Variants in ANKRD44 observed in about 807,000 individuals in gnomAD.
The protein encoded by ANKRD44 is ankyrin repeat domain 44, also known as serine/threonine-protein phosphatase 6 regulatory ankyrin repeat subunit B.
ANKRD44 carries 35 observed loss-of-function variants against 116.0 expected under a neutral mutation model. That is an observed-to-expected ratio of 0.30 (90% CI 0.23 to 0.40). ANKRD44 has a LOEUF of 0.40. Among genes scored for constraint, ANKRD44 ranks in the 10% least tolerant of loss-of-function variants. ANKRD44 has a pLI of 1.00. For missense variants in ANKRD44, 1,014 were observed against 1,242.6 expected (o/e 0.82, Z 2.77); for synonymous variants, 435 against 461.8 (o/e 0.94, Z 0.74).
intron 2 of ANKRD44, among the ~76,000 whole-genome samples, chr2:197,185,168 C>T (rs1438811303): frequency 2.0e-5 from 3 of 152,234 alleles, no homozygotes; most frequent in Non-Finnish European, 2.9e-5. Context: ...CTCAGAAGCA[C>T]AGGTCGCAAC....
At chr2:197,122,106 T>G (rs2078871154) in intron 7 of ANKRD44, among the ~76,000 whole-genome samples, 1 of 152,126 alleles carries the variant, frequency 6.6e-6, no homozygotes, top group Admixed American at 6.5e-5. Flanking sequence ...GGCTCCCTAT[T>G]GCTTTCTGAG....
At chr2:197,222,769 C>T (rs1404283179) in intron 1 of ANKRD44, among the ~76,000 whole-genome samples, 1 of 152,034 alleles carries the variant, frequency 6.6e-6, no homozygotes, top group Non-Finnish European at 1.5e-5. Context: ...AAAACTACAA[C>T]AGAGTTTCAA....
intron 16 of ANKRD44, among the ~76,000 whole-genome samples, chr2:197,041,526 A>G (rs1417488592): frequency 6.6e-6 from 1 of 152,206 alleles, no homozygotes; most frequent in East Asian, 1.9e-4. Context: ...ACTGGAACCA[A>G]CAGGAGTTGC....
chr2:197,293,795 C>T (rs2083638697), intron 1 of ANKRD44, among the ~76,000 whole-genome samples: 2 of 152,144 alleles, frequency 1.3e-5, no homozygotes, highest in Non-Finnish European at 2.9e-5. Context: ...TCTAGACCAG[C>T]TTAGAAGTGG....
chr2:197,241,127 G>A (rs16863590), intron 1 of ANKRD44, among the ~76,000 whole-genome samples: 15,930 of 151,864 alleles, frequency 0.1, 901 homozygotes, highest in Non-Finnish European at 0.13. Flanking sequence ...CCAAGAGATC[G>A]GCCCTGAAAA....
At chr2:197,057,479 A>AT (rs1559027243) in intron 16 of ANKRD44, among the ~76,000 whole-genome samples, 1 of 151,914 alleles carries the variant, frequency 6.6e-6, no homozygotes, top group Non-Finnish European at 1.5e-5. Context: ...CTGTTTTTGA[A>AT]TTTTTTTTTA....
At chr2:197,151,250 C>T (rs2079642028) in intron 2 of ANKRD44, among the ~76,000 whole-genome samples, 1 of 152,092 alleles carries the variant, frequency 6.6e-6, no homozygotes, top group South Asian at 2.1e-4. Flanking sequence ...GATTAAATCT[C>T]CATTGAAAAT....
intron 1 of ANKRD44, among the ~76,000 whole-genome samples, chr2:197,188,257 G>A (rs2080735021): frequency 1.3e-5 from 2 of 152,172 alleles, no homozygotes; most frequent in African/African-American, 4.8e-5. Flanking sequence ...CAAAAGAACA[G>A]CTAGCTCCAC....
At chr2:197,104,904 A>C (rs573217671) in intron 9 of ANKRD44, among the ~76,000 whole-genome samples, 1 of 152,192 alleles carries the variant, frequency 6.6e-6, no homozygotes, top group African/African-American at 2.4e-5. Flanking sequence ...TACTCTCAAG[A>C]CTTCTGTGTG....
rs376551804 is a variant in ANKRD44, at chr2:197,190,333, C to T, written c.28-3227G>A. On this transcript the variant is annotated intron_variant, in intron 1 of 27. Coordinates refer to ENST00000282272, the MANE Select transcript of ANKRD44 (RefSeq NM_001195144.2). Reference sequence around the variant, plus strand: ...ATGGACATCTCTAGCTCAACTGTGCCATGTGGCTACTGAGACATCGCCTTC... The same window carrying T: ...ATGGACATCTCTAGCTCAACTGTGCTATGTGGCTACTGAGACATCGCCTTC... 1.1e-4 allele frequency among the ~76,000 whole-genome samples: 16 copies of T among 152,302 alleles called. No individual in the cohort carries two copies. The South Asian group carries it at 3.3e-3, about 32-fold the overall frequency.
intron 8 of ANKRD44, among the ~76,000 whole-genome samples, chr2:197,120,873 CTGGAGCCT>C (rs1352780797): frequency 6.6e-6 from 1 of 151,944 alleles, no homozygotes; most frequent in Non-Finnish European, 1.5e-5. Context: ...GAACACACGG[CTGGAGCCT>C]TGGTACCTTT....
At chr2:196,999,593 T>TATTC (rs1221205431) in intron 23 of ANKRD44, among the ~76,000 whole-genome samples, 1 of 150,640 alleles carries the variant, frequency 6.6e-6, no homozygotes, top group African/African-American at 2.4e-5. Context: ...TTTATTTATT[T>TATTC]ATTTATTTAT....
chr2:197,083,758 T>C (rs1394855764), intron 13 of ANKRD44, among the ~76,000 whole-genome samples: 1 of 152,232 alleles, frequency 6.6e-6, no homozygotes. Flanking sequence ...AATGTTCCAA[T>C]GTGCATTTCC....
At chr2:197,248,250 G>A (rs954156314) in intron 1 of ANKRD44, among the ~76,000 whole-genome samples, 6 of 151,870 alleles carry the variant, frequency 4.0e-5, no homozygotes, top group African/African-American at 1.5e-4. Context: ...CCTTTATAAG[G>A]TCGGTGAGAC....
intron 1 of ANKRD44, among the ~76,000 whole-genome samples, chr2:197,248,578 G>GTATATATA (rs377124357): frequency 2.1e-5 from 3 of 144,220 alleles, no homozygotes; most frequent in Non-Finnish European, 4.5e-5. Flanking sequence ...GTGTGTGTGT[G>GTATATATA]TATATATATA....
intron 9 of ANKRD44, among the ~76,000 whole-genome samples, chr2:197,109,205 G>A (rs189550767): frequency 6.6e-6 from 1 of 152,270 alleles, no homozygotes; most frequent in East Asian, 1.9e-4. Context: ...AAGGGGGGTG[G>A]ACATTATTTC....
chr2:197,278,720 A>G (rs191553620), intron 1 of ANKRD44, among the ~76,000 whole-genome samples: 63 of 152,302 alleles, frequency 4.1e-4, no homozygotes, highest in African/African-American at 1.3e-3. Context: ...ATTGGACAGT[A>G]AGACCAAAAG....
chr2:197,186,612 C>CTTTCTTTTTTTT lies in ANKRD44; in HGVS notation c.111+410_111+411insAAAAAAAAGAAA, dbSNP rs2080671746. ...CCATCACTATGCCCGGCTAATTTTTCTTTTTTTTTTTTTTTTTTTTTTTTT... is the reference window on the plus strand; with the variant it reads ...CCATCACTATGCCCGGCTAATTTTTCTTTCTTTTTTTTTTTTTTTTTTTTTTTTTTTTTTTTT... On this transcript the variant is annotated intron_variant, in intron 2 of 27. Transcript: ENST00000282272. Among the ~76,000 whole-genome samples the CTTTCTTTTTTTT allele has an allele frequency of 7.9e-5, 4 of 50,788 alleles. No individual in the cohort carries two copies. The East Asian group carries it at 3.2e-3, about 41-fold the overall frequency. 33.3% of individuals were successfully genotyped at this position (50,788 alleles called of 152,430 possible).
At chr2:197,268,204 T>C (rs1192573618) in intron 1 of ANKRD44, among the ~76,000 whole-genome samples, 2 of 152,248 alleles carry the variant, frequency 1.3e-5, no homozygotes, top group Non-Finnish European at 2.9e-5. Context: ...GAAGCCCTTC[T>C]ATGCCCAGCT....
Sources: gnomAD v4.1 joint callset for allele counts (sites outside exome capture counted in the v4.1 genomes callset) on GRCh38, gnomAD v4.1.1 for gene constraint, MANE v1.5 for transcripts, NCBI Gene and HGNC (gene_info 2026-07-23, HGNC 2026-07-21) for gene names.